The following NLRP1 variants were observed in gnomAD, a reference collection of about 807,000 sequenced individuals.
The protein encoded by NLRP1 is NACHT, LRR and PYD domains-containing protein 1.
Under a neutral mutation model 136.7 loss-of-function variants are expected in NLRP1, and 94 were observed. The ratio of observed to expected loss-of-function variants is 0.69; its 90% CI spans 0.58 to 0.82. The LOEUF is 0.82. Ranked by LOEUF, NLRP1 falls within the 40% of genes least tolerant of loss-of-function variation. The pLI is 0.00. For missense variants in NLRP1, 1,575 were observed against 1,802.7 expected (o/e 0.87, Z 2.29); for synonymous variants, 690 against 725.1 (o/e 0.95, Z 0.78).
intron 3 of NLRP1, among the ~76,000 whole-genome samples, chr17:5,564,905 T>G (rs926415826): frequency 2.0e-5 from 3 of 151,998 alleles, no homozygotes; most frequent in Admixed American, 6.6e-5. Flanking sequence ...ACCTGGCTAA[T>G]TTTTTGTGTT....
At chr17:5,564,793 A>G (rs1915155428) in intron 3 of NLRP1, among the ~76,000 whole-genome samples, 1 of 133,142 alleles carries the variant, frequency 7.5e-6, no homozygotes, top group Admixed American at 8.6e-5. Context: ...GCTGGAGTGC[A>G]GTGGCGCAAT....
chr17:5,534,189 T>G (rs1170093545), intron 8 of NLRP1, among the ~76,000 whole-genome samples: 1 of 151,894 alleles, frequency 6.6e-6, no homozygotes. Flanking sequence ...TAGTGAGACC[T>G]CCCCACCTCA....
At chr17:5,534,114 C>T (rs1910722012) in intron 8 of NLRP1, 126 bp from the exon 9 acceptor site, 2 of 761,100 alleles carry the variant, frequency 2.6e-6, no homozygotes, top group Non-Finnish European at 2.4e-6. Context: ...GTAATCCTCG[C>T]ACTTTGGGAG....
chr17:5,537,556 G>A lies in NLRP1; in HGVS notation c.2871-616C>T, dbSNP rs1911248060. Among the ~76,000 whole-genome samples, 1 of 152,164 alleles carries A rather than the reference G, an allele frequency of 6.6e-6. No homozygotes were observed. Among genetic ancestry groups the A allele is most frequent in the Admixed American group, 6.5e-5 (1 of 15,280 alleles). ...CTCTGTGTCCTCCATCTACCACGTA[G>A]GATGAATCAATCCTGCCCTGCCTGT... On this transcript the variant is annotated intron_variant, in intron 7 of 16. Transcript: ENST00000572272. The surrounding 1 kb of genome is among the most constrained non-coding windows in gnomAD (Gnocchi z 4.5).
At chr17:5,542,084 A>G (rs1911937095) in intron 5 of NLRP1, 57 bp from the exon 6 acceptor site, 8 of 1,528,792 alleles carry the variant, frequency 5.2e-6, no homozygotes, top group Non-Finnish European at 5.3e-6. Context: ...TTCAACAGAC[A>G]CCCATAAGCA....
At chr17:5,551,514 G>C (rs1165201685) in intron 5 of NLRP1, among the ~76,000 whole-genome samples, 1 of 152,230 alleles carries the variant, frequency 6.6e-6, no homozygotes, top group Non-Finnish European at 1.5e-5. Flanking sequence ...TGTGTGGACA[G>C]AGGTATTCAA....
rs1906058769 is a variant in NLRP1, at chr17:5,584,438, G to C, written c.-481C>G. ...AGAACCCAGAGTGGAGCCCCGGGCT[G>C]CTGGCTCCCAGGTTTCTTCAGACCT... On this transcript the variant is annotated 5_prime_UTR_variant, in exon 1 of 17. Coordinates refer to ENST00000572272, the MANE Select transcript of NLRP1 (RefSeq NM_033004.4). 6.2e-6 allele frequency: 1 copy of C among 162,516 alleles called. No individual in the cohort carries two copies. Among genetic ancestry groups the C allele is most frequent in the Non-Finnish European group, 1.3e-5 (1 of 74,098 alleles). 10.1% of individuals were successfully genotyped at this position (162,516 alleles called of 1,614,324 possible). A position where few individuals can be genotyped will look rare whatever the true frequency, so the allele number is the denominator to read the frequency against.
At chr17:5,510,199 A>G (rs1907555142), downstream of NLRP1, among the ~76,000 whole-genome samples, 1 of 151,582 alleles carries the variant, frequency 6.6e-6, no homozygotes, top group Non-Finnish European at 1.5e-5. Flanking sequence ...GCACCCAGCC[A>G]ATTATTTTTA....
intron 3 of NLRP1, among the ~76,000 whole-genome samples, chr17:5,578,402 A>G (rs1905235628): frequency 6.6e-6 from 1 of 152,238 alleles, no homozygotes; most frequent in South Asian, 2.1e-4. Context: ...AAGAACTCAA[A>G]CAAATTTACA....
chr17:5,513,378 C>A (rs1207679684), downstream of NLRP1, among the ~76,000 whole-genome samples: 1 of 152,174 alleles, frequency 6.6e-6, no homozygotes, highest in African/African-American at 2.4e-5. Context: ...ATGCATGAGC[C>A]ACCATGCTTG....
chr17:5,530,213 T>C (rs1209488086), intron 12 of NLRP1, among the ~76,000 whole-genome samples: 1 of 152,238 alleles, frequency 6.6e-6, no homozygotes, highest in Non-Finnish European at 1.5e-5. Context: ...TGCTGGGACC[T>C]TGAGTGATAC....
Position 5,583,845 on chromosome 17 carries a change from G to C in NLRP1, c.113C>G (p.Ser38Trp), listed in dbSNP as rs1269596817. The C allele has an allele frequency of 3.2e-6, 5 of 1,571,248 alleles. No individual in the cohort carries two copies. Among genetic ancestry groups the C allele is most frequent in the South Asian group, 1.2e-5 (1 of 86,090 alleles). ...CTCTGGCTGAGCGGGTGTCTCACCC[G>C]AAGAGCTCCTGGAGTGCGCTTTATT... ...LANKAHSRSSSGETPAQPEKT... is the reference protein window; with the variant it reads ...LANKAHSRSSWGETPAQPEKT... The change falls in exon 1 of 17, where the codon TCG becomes TGG. Residue 38 changes from serine to tryptophan, a missense_variant. Ser to Trp is a radical substitution (Grantham distance 177). Coordinates refer to ENST00000572272, the MANE Select transcript of NLRP1 (RefSeq NM_033004.4). This position sits in a 1 kb window ranked among gnomAD's most constrained non-coding sequence, Gnocchi z 4.5.
At position 5,536,851 on chromosome 17, in the gene NLRP1, C is replaced by A; in HGVS notation, c.2960G>T (p.Arg987Leu). Residue 987 changes from arginine to leucine, a missense_variant and splice_region_variant, in exon 8 of 17, where the codon CGG becomes CTG. Physicochemically the swap from Arg to Leu is moderately radical, Grantham distance 102. Coordinates refer to ENST00000572272, the MANE Select transcript of NLRP1 (RefSeq NM_033004.4). ...GAGGGAGTTCTGGGTCCCCCCTTAC[C>A]GTCTGCTGAAGATGAGCAGCTGAGG... ...EKPQLLIFSR[R>L]KPSVMTPTEG... 6.2e-7 allele frequency: 1 copy of A among 1,609,558 alleles called. No homozygotes were observed. Among genetic ancestry groups the A allele is most frequent in the South Asian group, 1.1e-5 (1 of 90,950 alleles).
chr17:5,555,935 C>T (rs71368571), intron 4 of NLRP1, among the ~76,000 whole-genome samples: 10,020 of 151,358 alleles, frequency 0.066, 423 homozygotes, highest in African/African-American at 0.12. Context: ...TCTACTAAGA[C>T]GACAAAAAAT....
At position 5,515,027 on chromosome 17, in the gene NLRP1, G is replaced by A. The variant is rs2151732519; in HGVS notation, c.4149C>T (p.Asp1383=). 6.2e-7 allele frequency: 1 copy of A among 1,614,174 alleles called. No individual in the cohort carries two copies. Among genetic ancestry groups the A allele is most frequent in the Non-Finnish European group, 8.5e-7 (1 of 1,180,046 alleles). The part of the protein sequence containing the change: ...LDAPQLLHFV[D]QYREQLIARV... ...GGGCTATCAGCTGCTCTCGATACTG[G>A]TCCACAAAGTGCAGCAACTGCGGGG... Residue 1383 remains aspartate, a synonymous_variant, in exon 17 of 17, where the codon GAC becomes GAT. Transcript: ENST00000572272.
chr17:5,555,858 T>C (rs71368570), intron 4 of NLRP1, among the ~76,000 whole-genome samples: 10,010 of 145,478 alleles, frequency 0.069, 421 homozygotes, highest in African/African-American at 0.12. Flanking sequence ...TTTGGGAGGC[T>C]GAGGCAGAAG....
chr17:5,533,427 A>C (rs1267941525), intron 9 of NLRP1, 43 bp from the exon 10 acceptor site: 1 of 760,806 alleles, frequency 1.3e-6, no homozygotes, highest in Non-Finnish European at 2.3e-6. Context: ...GGTGGTGAGC[A>C]TCTGCAGTCC....
intron 5 of NLRP1, among the ~76,000 whole-genome samples, chr17:5,545,561 C>A (rs550157218): frequency 6.6e-6 from 1 of 152,218 alleles, no homozygotes; most frequent in East Asian, 1.9e-4. Flanking sequence ...CACACAGACA[C>A]ACACACACGA....
At chr17:5,540,959 C>T (rs571573137) in intron 6 of NLRP1, among the ~76,000 whole-genome samples, 139 of 152,262 alleles carry the variant, frequency 9.1e-4, no homozygotes, top group Non-Finnish European at 1.5e-3. Flanking sequence ...GCCCCCTGAG[C>T]GGGTGCACAG....
Sources: gnomAD v4.1 joint callset for allele counts (sites outside exome capture counted in the v4.1 genomes callset) on GRCh38, gnomAD v4.1.1 for gene constraint, Gnocchi (gnomAD v3.1) non-coding constraint, MANE v1.5 for transcripts, NCBI Gene and HGNC (gene_info 2026-07-23, HGNC 2026-07-21) for gene names.